The following SHANK2 variants were observed in gnomAD, a reference collection of about 807,000 sequenced individuals.
The protein encoded by SHANK2 is SH3 and multiple ankyrin repeat domains protein 2.
Under a neutral mutation model 133.7 loss-of-function variants are expected in SHANK2, and 43 were observed. The observed-to-expected ratio is 0.32, with a 90% confidence interval of 0.25 to 0.41. SHANK2 has a LOEUF of 0.41. Among genes scored for constraint, SHANK2 ranks in the 10% least tolerant of loss-of-function variants. SHANK2 has a pLI of 1.00. For missense variants in SHANK2, 1,994 were observed against 2,235.8 expected (o/e 0.89, Z 2.18); for synonymous variants, 1,017 against 952.8 (o/e 1.07, Z -1.24).
chr11:71,204,538 C>T lies in SHANK2; in HGVS notation c.-13+20159G>A, dbSNP rs184905579. Among the ~76,000 whole-genome samples, 382 of 152,292 alleles carry T rather than the reference C, an allele frequency of 2.5e-3. 3 individuals carry two copies. The highest frequency in any genetic ancestry group is 0.015 in the Admixed American group (234 of 15,298). ...CCTCCTCTCCCCTGGGTGAAGGCTG[C>T]GGCAAGGGACTCCCCAGGCAGGTGC... On this transcript the variant is annotated intron_variant, in intron 2 of 25. Transcript: ENST00000601538.
chr11:70,493,432 C>A (rs1189838856), intron 21 of SHANK2, among the ~76,000 whole-genome samples: 5 of 141,402 alleles, frequency 3.5e-5, no homozygotes, highest in African/African-American at 5.2e-5. Context: ...TAGCAATTAA[C>A]AAAAGTTTTT....
intron 14 of SHANK2, among the ~76,000 whole-genome samples, chr11:70,721,615 T>C (rs1272290377): frequency 6.6e-6 from 1 of 152,154 alleles, no homozygotes; most frequent in South Asian, 2.1e-4. Flanking sequence ...CCCCAGGGTG[T>C]GGTCTGGAGG....
At chr11:70,640,685 C>T (rs2134152282) in intron 17 of SHANK2, among the ~76,000 whole-genome samples, 1 of 152,360 alleles carries the variant, frequency 6.6e-6, no homozygotes, top group Middle Eastern at 3.4e-3. Flanking sequence ...AGGAGGGGCG[C>T]ATGCCCAGTC....
intron 21 of SHANK2, among the ~76,000 whole-genome samples, chr11:70,495,291 C>T (rs1555156840): frequency 6.6e-6 from 1 of 152,226 alleles, no homozygotes; most frequent in East Asian, 1.9e-4. Flanking sequence ...TTTCCCCTCC[C>T]AGGGCTGGGC....
intron 17 of SHANK2, among the ~76,000 whole-genome samples, chr11:70,530,918 C>A (rs557976834): frequency 1.1e-4 from 17 of 152,270 alleles, no homozygotes; most frequent in African/African-American, 3.9e-4. Context: ...GTAATCCCAG[C>A]ACCTTGGGAG....
chr11:71,163,093 A>AAAAATATATATATATATATAT, intron 2 of SHANK2, among the ~76,000 whole-genome samples: 2 of 84,706 alleles, frequency 2.4e-5, no homozygotes, highest in African/African-American at 4.6e-5. Context: ...AAAAAAAAAA[A>AAAAATATATATATATATATAT]ATACATATAT....
intron 9 of SHANK2, among the ~76,000 whole-genome samples, chr11:71,058,261 C>T (rs922744132): frequency 1.3e-5 from 2 of 152,186 alleles, no homozygotes; most frequent in Admixed American, 6.5e-5. Context: ...ACCATTTGCC[C>T]GTGAAGCTGA....
Position 70,487,757 on chromosome 11 carries a change from T to C in SHANK2, c.2573-37A>G, listed in dbSNP as rs782446683. On this transcript the variant is annotated intron_variant, in intron 24 of 25. Transcript: ENST00000601538. The surrounding 1 kb of genome is among the most constrained non-coding windows in gnomAD (Gnocchi z 5.8). ...AAACAGGTTTAGCTTTAAGTCACAA[T>C]AGCAACAAAGCCTAAGTTCCTAGGA... The C allele has an allele frequency of 1.3e-6, 2 of 1,550,554 alleles. No individual in the cohort carries two copies. The highest frequency in any genetic ancestry group is 1.7e-6 in the Non-Finnish European group (2 of 1,147,054).
chr11:70,648,602 T>C (rs1555009191), intron 17 of SHANK2, among the ~76,000 whole-genome samples: 1 of 152,206 alleles, frequency 6.6e-6, no homozygotes, highest in Admixed American at 6.5e-5. Context: ...AGGGGTACAA[T>C]TCCCCCTGTA....
At chr11:70,583,729 G>A (rs1280399011) in intron 17 of SHANK2, among the ~76,000 whole-genome samples, 2 of 152,142 alleles carry the variant, frequency 1.3e-5, no homozygotes, top group Non-Finnish European at 2.9e-5. Context: ...ATGAACCATC[G>A]AGGCTGTGTG....
intron 14 of SHANK2, among the ~76,000 whole-genome samples, chr11:70,750,353 C>A (rs1173398685): frequency 8.5e-5 from 13 of 152,208 alleles, no homozygotes; most frequent in African/African-American, 3.1e-4. Flanking sequence ...CTCAAGCAAT[C>A]CTGTGGTGGC....
intron 10 of SHANK2, among the ~76,000 whole-genome samples, chr11:70,934,962 G>C (rs2135816925): frequency 6.6e-6 from 1 of 152,294 alleles, no homozygotes; most frequent in South Asian, 2.1e-4. Context: ...AGAAGGGACG[G>C]GGCAGGTCTG....
chr11:70,938,022 T>C (rs1555083716), intron 10 of SHANK2, among the ~76,000 whole-genome samples: 1 of 152,222 alleles, frequency 6.6e-6, no homozygotes, highest in Non-Finnish European at 1.5e-5. Context: ...CTCACTTTAT[T>C]TTTTTCTGGC....
intron 4 of SHANK2, among the ~76,000 whole-genome samples, chr11:71,115,418 G>A (rs1299393583): frequency 1.3e-5 from 2 of 151,550 alleles, no homozygotes; most frequent in African/African-American, 2.4e-5. Flanking sequence ...GCAGTGAGCC[G>A]AGATCACACC....
At chr11:70,536,823 T>C (rs1196003587) in intron 17 of SHANK2, among the ~76,000 whole-genome samples, 9 of 152,200 alleles carry the variant, frequency 5.9e-5, no homozygotes, top group African/African-American at 2.2e-4. Context: ...TATGGCCAAG[T>C]AGTGTTCCAC....
chr11:71,213,671 G>C (rs1954334284), intron 2 of SHANK2, among the ~76,000 whole-genome samples: 3 of 152,282 alleles, frequency 2.0e-5, no homozygotes, highest in South Asian at 4.1e-4. Flanking sequence ...GGGAAAAGGT[G>C]GTGGCCACAC....
At chr11:71,128,547 C>T (rs114162625) in intron 3 of SHANK2, among the ~76,000 whole-genome samples, 3,501 of 152,218 alleles carry the variant, frequency 0.023, 136 homozygotes, top group African/African-American at 0.08. Context: ...ATGTACACAC[C>T]GATCCCGGAA....
intron 10 of SHANK2, among the ~76,000 whole-genome samples, chr11:70,950,794 TG>T (rs1226220756): frequency 4.6e-5 from 7 of 152,196 alleles, no homozygotes; most frequent in African/African-American, 1.7e-4. Flanking sequence ...TGTGTGTGTA[TG>T]TGTGGGTGTG....
intron 17 of SHANK2, among the ~76,000 whole-genome samples, chr11:70,585,831 C>CAAA (rs2060242476): frequency 2.3e-5 from 2 of 87,046 alleles, no homozygotes; most frequent in Non-Finnish European, 4.9e-5. Context: ...TTTGCTCACC[C>CAAA]ACCCACCCAC....
Sources: gnomAD v4.1 joint callset for allele counts (sites outside exome capture counted in the v4.1 genomes callset) on GRCh38, gnomAD v4.1.1 for gene constraint, Gnocchi (gnomAD v3.1) non-coding constraint, MANE v1.5 for transcripts, NCBI Gene and HGNC (gene_info 2026-07-23, HGNC 2026-07-21) for gene names.